The following JMJD1C variants were observed in gnomAD, a reference collection of about 807,000 sequenced individuals.
JMJD1C encodes jumonji domain containing 1C.
JMJD1C carries 31 observed loss-of-function variants against 245.3 expected under a neutral mutation model. That is an observed-to-expected ratio of 0.13 (90% CI 0.09 to 0.17). The LOEUF is 0.17. Ranked by LOEUF, JMJD1C falls within the 10% of genes least tolerant of loss-of-function variation. JMJD1C has a pLI of 1.00. For missense variants in JMJD1C, 2,691 were observed against 3,000.2 expected (o/e 0.90, Z 2.41); for synonymous variants, 1,057 against 1,017.4 (o/e 1.04, Z -0.74).
intron 3 of JMJD1C, among the ~76,000 whole-genome samples, chr10:63,229,044 A>G (rs1173732366): frequency 1.3e-5 from 2 of 152,186 alleles, no homozygotes; most frequent in Non-Finnish European, 2.9e-5. Context: ...AATATGCATT[A>G]AAAAGTAAGA....
intron 2 of JMJD1C, among the ~76,000 whole-genome samples, chr10:63,377,302 T>C (rs555702085): frequency 6.6e-5 from 10 of 152,292 alleles, no homozygotes; most frequent in African/African-American, 9.6e-5. Flanking sequence ...AGACAGAAAA[T>C]GTTCTGTGTT....
At chr10:63,246,831 C>T (rs1852270089) in intron 3 of JMJD1C, among the ~76,000 whole-genome samples, 1 of 151,922 alleles carries the variant, frequency 6.6e-6, no homozygotes, top group Admixed American at 6.6e-5. Flanking sequence ...AATTAAACAA[C>T]ATGCTCCTGA....
At chr10:63,273,748 T>C (rs767715909) in intron 2 of JMJD1C, among the ~76,000 whole-genome samples, 3 of 152,080 alleles carry the variant, frequency 2.0e-5, no homozygotes, top group Non-Finnish European at 4.4e-5. Flanking sequence ...GAAATACACA[T>C]CTCTAACTTC....
chr10:63,521,138 C>G (rs1010133420), intron 1 of JMJD1C, among the ~76,000 whole-genome samples: 3 of 152,128 alleles, frequency 2.0e-5, no homozygotes, highest in Non-Finnish European at 4.4e-5. Flanking sequence ...TCCCAAAGAG[C>G]TAAGGAGGGT....
chr10:63,444,175 A>G (rs1374969283), intron 1 of JMJD1C, among the ~76,000 whole-genome samples: 1 of 152,168 alleles, frequency 6.6e-6, no homozygotes, highest in Admixed American at 6.5e-5. Flanking sequence ...ACAGAGTTTT[A>G]TTTTATTGGT....
chr10:63,454,626 T>A (rs1218769461), intron 1 of JMJD1C, among the ~76,000 whole-genome samples: 3 of 152,168 alleles, frequency 2.0e-5, no homozygotes, highest in Admixed American at 6.5e-5. Context: ...AGACAGGGTT[T>A]CACCATGTTG....
chr10:63,228,169 T>C (rs1414361723), intron 3 of JMJD1C, among the ~76,000 whole-genome samples: 1 of 152,132 alleles, frequency 6.6e-6, no homozygotes, highest in African/African-American at 2.4e-5. Flanking sequence ...ATACCAGTTG[T>C]CACAACTACT....
intron 2 of JMJD1C, among the ~76,000 whole-genome samples, chr10:63,340,802 G>A (rs928808363): frequency 6.6e-6 from 1 of 152,062 alleles, no homozygotes; most frequent in Admixed American, 6.6e-5. Context: ...AAAATTGGCT[G>A]GGCGTGGTGG....
intron 2 of JMJD1C, among the ~76,000 whole-genome samples, chr10:63,288,643 C>T (rs1292918810): frequency 6.6e-6 from 1 of 152,076 alleles, no homozygotes; most frequent in Non-Finnish European, 1.5e-5. Context: ...TGGCTCACAC[C>T]CGTAATCCCA....
At position 63,318,696 on chromosome 10, in the gene JMJD1C, G is replaced by A. The variant is rs376093438; in HGVS notation, c.334-53932C>T. Reference sequence around the variant, plus strand: ...GAATTTAAAAAAAAAAAGTTTCTTTGGCATAGATAATTTGAGAAGTACTGA... The same window carrying A: ...GAATTTAAAAAAAAAAAGTTTCTTTAGCATAGATAATTTGAGAAGTACTGA... On this transcript the variant is annotated intron_variant, in intron 2 of 25. Transcript: ENST00000399262. Among the ~76,000 whole-genome samples the A allele has an allele frequency of 2.2e-4, 34 of 151,678 alleles. No homozygotes were observed. In the East Asian group the frequency reaches 5.2e-3, roughly 23 times the overall value.
At chr10:63,349,488 T>C (rs903494932) in intron 2 of JMJD1C, among the ~76,000 whole-genome samples, 2 of 152,158 alleles carry the variant, frequency 1.3e-5, no homozygotes, top group African/African-American at 2.4e-5. Flanking sequence ...ACATAATCAA[T>C]CCCTGTCCTC....
chr10:63,426,077 G>GAATTTA (rs1950422397), intron 1 of JMJD1C, among the ~76,000 whole-genome samples: 1 of 152,084 alleles, frequency 6.6e-6, no homozygotes. Flanking sequence ...GTGACACAAT[G>GAATTTA]CATTTAAGAA....
Position 63,454,257 on chromosome 10 carries a change from AT to A in JMJD1C, c.168+11237del, listed in dbSNP as rs112838462. Reference sequence around the variant, plus strand: ...ATCGGAGCTCTAAAAGGAGAAATTGATTTTTTTTTTTTTTCTTTTTCAGACT... The same window carrying A: ...ATCGGAGCTCTAAAAGGAGAAATTGATTTTTTTTTTTTTCTTTTTCAGACT... On this transcript the variant is annotated intron_variant, in intron 1 of 25. Coordinates refer to ENST00000399262, the MANE Select transcript of JMJD1C (RefSeq NM_032776.3). Among the ~76,000 whole-genome samples, 973 of 146,050 alleles carry A rather than the reference AT, an allele frequency of 6.7e-3. 7 individuals carry two copies. The highest frequency in any genetic ancestry group is 0.018 in the African/African-American group (693 of 39,570).
chr10:63,241,063 A>G (rs1011064146), intron 3 of JMJD1C, among the ~76,000 whole-genome samples: 2 of 152,208 alleles, frequency 1.3e-5, no homozygotes, highest in East Asian at 1.9e-4. Context: ...ATTATAAAAC[A>G]TAAGTACTGT....
chr10:63,308,402 AC>A (rs1256868881), intron 2 of JMJD1C, among the ~76,000 whole-genome samples: 1 of 151,956 alleles, frequency 6.6e-6, no homozygotes, highest in Non-Finnish European at 1.5e-5. Flanking sequence ...AAATAGACAA[AC>A]CCTATCCATC....
At chr10:63,496,158 T>G (rs945636507) in intron 1 of JMJD1C, among the ~76,000 whole-genome samples, 2 of 151,622 alleles carry the variant, frequency 1.3e-5, no homozygotes, top group Admixed American at 1.3e-4. Context: ...ACCACAGGTA[T>G]GTAATCAGCA....
chr10:63,448,891 C>T (rs115059995), intron 1 of JMJD1C, among the ~76,000 whole-genome samples: 2 of 151,982 alleles, frequency 1.3e-5, no homozygotes, highest in African/African-American at 2.4e-5. Context: ...CAGAGGTGGG[C>T]GAATCACCTG....
chr10:63,365,298 C>T (rs1945740581), intron 2 of JMJD1C, among the ~76,000 whole-genome samples: 1 of 152,200 alleles, frequency 6.6e-6, no homozygotes, highest in African/African-American at 2.4e-5. Flanking sequence ...TGTCTCCTTA[C>T]TCTCTATACC....
intron 1 of JMJD1C, among the ~76,000 whole-genome samples, chr10:63,393,637 T>A (rs749366924): frequency 6.6e-6 from 1 of 151,858 alleles, no homozygotes; most frequent in South Asian, 2.1e-4. Flanking sequence ...AATCAACCTG[T>A]CTATTAACAG....
Sources: allele counts gnomAD v4.1 joint callset (sites outside exome capture counted in the v4.1 genomes callset), GRCh38; gene constraint gnomAD v4.1.1; transcripts MANE v1.5; gene names NCBI Gene and HGNC (gene_info 2026-07-23, HGNC 2026-07-21).